DPYD: variants seen among roughly 807,000 people sequenced by gnomAD.
The protein encoded by DPYD is dihydropyrimidine dehydrogenase [NADP(+)].
DPYD carries 109 observed loss-of-function variants against 116.2 expected under a neutral mutation model. The observed-to-expected ratio is 0.94, with a 90% CI of 0.80 to 1.10. The LOEUF is 1.10. DPYD is among the 50% of genes least tolerant of loss of function. The pLI is 0.00. For synonymous variants in DPYD, 440 were observed against 432.0 expected, an observed-to-expected ratio of 1.02 and a Z score of -0.23; for missense variants, 1,302 against 1,254.5, an observed-to-expected ratio of 1.04 and a Z score of -0.57.
rs1671422932 is a variant in DPYD, at chr1:97,373,595, A to G, written c.2024T>C (p.Met675Thr). The change falls in exon 16 of 23, where the codon ATG (methionine) becomes ACG (threonine). Residue 675 changes from methionine (M) to threonine (T), a missense_variant. Met to Thr is a moderately conservative substitution (Grantham distance 81). Transcript: ENST00000370192. ...LELNLSCPHG[M>T]GERGMGLACG... ...GGCCAGGCCCATTCCTCTTTCTCCC[A>G]TGCCATGTGGACATGATAAATTTAA... 1 of 1,613,768 alleles carries G rather than the reference A, an allele frequency of 6.2e-7. No homozygotes were observed. Among genetic ancestry groups the G allele is most frequent in the Non-Finnish European group, 8.5e-7 (1 of 1,179,832 alleles).
intron 10 of DPYD, among the ~76,000 whole-genome samples, chr1:97,584,029 G>A (rs6691128): frequency 6.6e-6 from 1 of 152,202 alleles, no homozygotes; most frequent in African/African-American, 2.4e-5. Flanking sequence ...ACAGTCCCAC[G>A]AACAGTGTAA....
At chr1:97,692,626 G>A (rs1377286149) in intron 6 of DPYD, among the ~76,000 whole-genome samples, 3 of 152,204 alleles carry the variant, frequency 2.0e-5, no homozygotes, top group African/African-American at 7.2e-5. Flanking sequence ...CAGGCACAGT[G>A]TTTACGAAGT....
chr1:97,242,124 G>GTATATATATATATA (rs71590220), intron 18 of DPYD, among the ~76,000 whole-genome samples: 1 of 35,860 alleles, frequency 2.8e-5, no homozygotes, highest in Non-Finnish European at 4.9e-5. Flanking sequence ...GTGTGCGTGT[G>GTATATATATATATA]TATATATATA....
intron 8 of DPYD, among the ~76,000 whole-genome samples, chr1:97,669,083 T>C (rs1659720460): frequency 6.6e-6 from 1 of 151,964 alleles, no homozygotes; most frequent in African/African-American, 2.4e-5. Flanking sequence ...CCATGTAAGT[T>C]TGTGTATGGT....
At position 97,828,010 on chromosome 1, in the gene DPYD, A is replaced by G. The variant is rs186872816; in HGVS notation, c.233+104T>C. The G allele has an allele frequency of 1.2e-5, 13 of 1,106,268 alleles. No homozygotes were observed. The East Asian group carries it at 3.3e-4, about 28-fold the overall frequency. The allele number at this position is 1,106,268 out of a possible 1,614,324, so 68.5% of individuals were successfully genotyped here. A position where few individuals can be genotyped will look rare whatever the true frequency, so the allele number is the denominator to read the frequency against. On this transcript the variant is annotated intron_variant, in intron 3 of 22. Transcript: ENST00000370192. ...CCACTGACAAATTAATACCTTAGAG[A>G]ACAGAGCTGAATGGTGGCAATGAAC...
intron 18 of DPYD, among the ~76,000 whole-genome samples, chr1:97,255,795 AC>A (rs1343581481): frequency 3.3e-5 from 5 of 150,910 alleles, no homozygotes; most frequent in African/African-American, 1.2e-4. Flanking sequence ...CCAGGATTTT[AC>A]CCCAAGCAGT....
intron 12 of DPYD, 84 bp from the exon 13 acceptor site, chr1:97,516,025 A>G (rs1359500786): frequency 7.8e-7 from 1 of 1,289,654 alleles, no homozygotes; most frequent in African/African-American, 1.5e-5. Flanking sequence ...ACTTCAACAC[A>G]GCATCCGAAT....
intron 14 of DPYD, among the ~76,000 whole-genome samples, chr1:97,440,719 TA>T (rs1317799032): frequency 1.3e-5 from 2 of 152,194 alleles, no homozygotes; most frequent in African/African-American, 4.8e-5. Flanking sequence ...ATTTTTTGTT[TA>T]AACAACCTAT....
intron 16 of DPYD, among the ~76,000 whole-genome samples, chr1:97,311,827 G>T (rs183808065): frequency 3.9e-5 from 6 of 151,946 alleles, no homozygotes; most frequent in Admixed American, 2.0e-4. Context: ...AGTCTCAAAA[G>T]TATACAATAT....
chr1:97,694,303 T>G (rs1400402057), intron 6 of DPYD, among the ~76,000 whole-genome samples: 1 of 152,318 alleles, frequency 6.6e-6, no homozygotes, highest in East Asian at 1.9e-4. Context: ...AATGTGACGT[T>G]TTTATATTCA....
At chr1:97,834,719 G>A (rs150009435) in intron 2 of DPYD, among the ~76,000 whole-genome samples, 5 of 151,502 alleles carry the variant, frequency 3.3e-5, no homozygotes, top group Non-Finnish European at 5.9e-5. Flanking sequence ...ACAAGTACAT[G>A]CATTTCTCAT....
chr1:97,592,671 G>A (rs1050513436), intron 10 of DPYD, among the ~76,000 whole-genome samples: 11 of 152,202 alleles, frequency 7.2e-5, no homozygotes, highest in East Asian at 3.9e-4. Flanking sequence ...ACAGCCAAAC[G>A]TTATTTTTAG....
chr1:97,858,515 T>C (rs1670961128), intron 2 of DPYD, among the ~76,000 whole-genome samples: 1 of 152,172 alleles, frequency 6.6e-6, no homozygotes, highest in Admixed American at 6.5e-5. Context: ...CCAGATATTA[T>C]AAAGATAGTA....
At chr1:97,920,849 C>A in intron 1 of DPYD, 35 bp downstream of exon 1, 1 of 1,577,314 alleles carries the variant, frequency 6.3e-7, no homozygotes, top group Non-Finnish European at 8.6e-7. Flanking sequence ...CCCCACCACC[C>A]CGCCACCACC....
chr1:97,823,648 C>T, intron 3 of DPYD, among the ~76,000 whole-genome samples: 1 of 152,012 alleles, frequency 6.6e-6, no homozygotes. Flanking sequence ...TAGGTTGATC[C>T]ATTTTCTTGC....
chr1:97,134,012 AAAATAT>A (rs1341841446), intron 20 of DPYD, among the ~76,000 whole-genome samples: 4 of 48,810 alleles, frequency 8.2e-5, no homozygotes, highest in African/African-American at 3.6e-4. Flanking sequence ...AAAAAAAAAA[AAAATAT>A]ATATATATAT....
intron 2 of DPYD, among the ~76,000 whole-genome samples, chr1:97,829,946 T>C (rs2101488326): frequency 6.6e-6 from 1 of 151,862 alleles, no homozygotes; most frequent in East Asian, 2.0e-4. Flanking sequence ...CCCCACCCTG[T>C]GTCCATGTGT....
At chr1:97,468,692 G>A (rs571881221) in intron 13 of DPYD, among the ~76,000 whole-genome samples, 1 of 152,304 alleles carries the variant, frequency 6.6e-6, no homozygotes, top group Admixed American at 6.5e-5. Context: ...AAACAGGTGG[G>A]AGGCTGGATT....
At chr1:97,527,978 T>C (rs1372150984) in intron 12 of DPYD, among the ~76,000 whole-genome samples, 3 of 152,182 alleles carry the variant, frequency 2.0e-5, no homozygotes, top group Non-Finnish European at 4.4e-5. Context: ...ACGGGCCCTA[T>C]CTTGGAGTAC....
Sources: allele counts gnomAD v4.1 joint callset (sites outside exome capture counted in the v4.1 genomes callset), GRCh38; gene constraint gnomAD v4.1.1; transcripts MANE v1.5; gene names NCBI Gene and HGNC (gene_info 2026-07-23, HGNC 2026-07-21).